The following FOXO3 variants were observed in gnomAD, a reference collection of about 807,000 sequenced individuals.
The protein encoded by FOXO3 is forkhead box O3.
Under a neutral mutation model 41.9 loss-of-function variants are expected in FOXO3, and 4 were observed. That is an observed-to-expected ratio of 0.10 (90% CI 0.05 to 0.22). FOXO3 has a LOEUF of 0.22. FOXO3 is among the 10% of genes least tolerant of loss of function. The pLI, the probability that FOXO3 is intolerant of heterozygous loss-of-function variation, is 1.00. For missense variants in FOXO3, 534 were observed against 906.8 expected (o/e 0.59, Z 5.28); for synonymous variants, 318 against 389.3 (o/e 0.82, Z 2.16).
chr6:108,608,308 A>G (rs879469893), intron 1 of FOXO3, among the ~76,000 whole-genome samples: 1 of 152,196 alleles, frequency 6.6e-6, no homozygotes, highest in Admixed American at 6.5e-5. Flanking sequence ...CTCTCACTTT[A>G]TTTAAAGATG....
At chr6:108,578,442 C>G (rs1328852769) in intron 1 of FOXO3, among the ~76,000 whole-genome samples, 1 of 152,164 alleles carries the variant, frequency 6.6e-6, no homozygotes, top group East Asian at 1.9e-4. Context: ...AAAGCTCTAG[C>G]CCCTTGAGTA....
At chr6:108,562,718 C>G (rs1042449429) in intron 1 of FOXO3, among the ~76,000 whole-genome samples, 1 of 151,772 alleles carries the variant, frequency 6.6e-6, no homozygotes, top group Non-Finnish European at 1.5e-5. Context: ...AAGAGAGACT[C>G]TCTACCGTTC....
chr6:108,592,614 C>G lies in FOXO3; in HGVS notation c.621+30785C>G, dbSNP rs569400847. ...TTTAAGTAGGGGTTCTGGTGGTTTT[C>G]TGGAATGGAGGTGTGGTGGAAGCTT... On this transcript the variant is annotated intron_variant, in intron 1 of 2. Transcript: ENST00000406360. 4.6e-5 allele frequency among the ~76,000 whole-genome samples: 7 copies of G among 152,244 alleles called. No individual in the cohort carries two copies. The East Asian group carries it at 1.4e-3, about 29-fold the overall frequency.
chr6:108,577,871 G>A (rs1288536764), intron 1 of FOXO3, among the ~76,000 whole-genome samples: 1 of 152,180 alleles, frequency 6.6e-6, no homozygotes, highest in Non-Finnish European at 1.5e-5. Context: ...AACAAACTGT[G>A]TTTAACTGGG....
At chr6:108,641,209 TG>T (rs1778248685) in intron 1 of FOXO3, among the ~76,000 whole-genome samples, 1 of 152,180 alleles carries the variant, frequency 6.6e-6, no homozygotes, top group South Asian at 2.1e-4. Flanking sequence ...CTTGACTGGC[TG>T]GAAACTCAAT....
At chr6:108,572,801 C>T (rs1270653094) in intron 1 of FOXO3, among the ~76,000 whole-genome samples, 1 of 151,990 alleles carries the variant, frequency 6.6e-6, no homozygotes, top group Non-Finnish European at 1.5e-5. Flanking sequence ...TTTTTTATGT[C>T]TAATATTGAT....
chr6:108,593,942 C>T (rs558317184), intron 1 of FOXO3, among the ~76,000 whole-genome samples: 71 of 151,970 alleles, frequency 4.7e-4, no homozygotes, highest in Middle Eastern at 3.4e-3. Flanking sequence ...TGGTCTTGAA[C>T]GCCTGACCTC....
chr6:108,658,027 G>A (rs564797674), intron 1 of FOXO3, among the ~76,000 whole-genome samples: 25 of 152,230 alleles, frequency 1.6e-4, no homozygotes, highest in African/African-American at 5.3e-4. Flanking sequence ...TTTCTTCTGC[G>A]GGGCTGACTG....
At position 108,561,002 on chromosome 6, in the gene FOXO3, C is replaced by T. The variant is rs1225563468; in HGVS notation, c.-207C>T. ...CGGGCGCGGCAGGACTGGGAGGTGG[C>T]GGCAGCGGGCGAGGACTCGCCGAGG... On this transcript the variant is annotated 5_prime_UTR_variant, in exon 1 of 3. Coordinates refer to ENST00000406360, the MANE Select transcript of FOXO3 (RefSeq NM_001455.4). 6 of 1,366,426 alleles carry T rather than the reference C, an allele frequency of 4.4e-6. No individual in the cohort carries two copies. The highest frequency in any genetic ancestry group is 3.7e-6 in the Non-Finnish European group (4 of 1,071,774). 84.6% of individuals were successfully genotyped at this position (1,366,426 alleles called of 1,614,324 possible). A position where few individuals can be genotyped will look rare whatever the true frequency, so the allele number is the denominator to read the frequency against.
At chr6:108,639,005 G>T (rs1778187175) in intron 1 of FOXO3, among the ~76,000 whole-genome samples, 1 of 152,148 alleles carries the variant, frequency 6.6e-6, no homozygotes, top group South Asian at 2.1e-4. Flanking sequence ...TGTCAGCACT[G>T]TCTAGATGGC....
intron 1 of FOXO3, among the ~76,000 whole-genome samples, chr6:108,601,752 G>A (rs185956388): frequency 4.3e-4 from 65 of 152,298 alleles, no homozygotes; most frequent in South Asian, 8.3e-4. Flanking sequence ...ACAGTATATG[G>A]ATTTTTGGGA....
intron 1 of FOXO3, 142 bp downstream of exon 1, chr6:108,561,971 G>A: frequency 7.7e-7 from 1 of 1,306,588 alleles, no homozygotes; most frequent in Non-Finnish European, 1.0e-6. Context: ...GGCTTTGGGG[G>A]TTATCTTTGA....
intron 1 of FOXO3, among the ~76,000 whole-genome samples, chr6:108,620,159 T>C (rs763338244): frequency 6.6e-6 from 1 of 152,178 alleles, no homozygotes; most frequent in Non-Finnish European, 1.5e-5. Flanking sequence ...ATAAATTCTT[T>C]TATTAGATTT....
intron 1 of FOXO3, among the ~76,000 whole-genome samples, chr6:108,635,198 G>T (rs1180698553): frequency 2.0e-5 from 3 of 152,088 alleles, no homozygotes; most frequent in African/African-American, 7.2e-5. Context: ...TTACTTGGAA[G>T]GCTGAGGCAT....
intron 1 of FOXO3, among the ~76,000 whole-genome samples, chr6:108,646,914 A>G (rs1036266011): frequency 2.0e-5 from 3 of 152,188 alleles, no homozygotes; most frequent in South Asian, 4.1e-4. Flanking sequence ...CTCTTTTGCT[A>G]TCTAACTCTT....
chr6:108,563,000 T>G (rs1392554090), intron 1 of FOXO3, among the ~76,000 whole-genome samples: 1 of 152,246 alleles, frequency 6.6e-6, no homozygotes. Context: ...CTTAGATTTT[T>G]TTTTGTTTTG....
intron 1 of FOXO3, among the ~76,000 whole-genome samples, chr6:108,626,015 G>A (rs1161110325): frequency 6.6e-6 from 1 of 152,148 alleles, no homozygotes; most frequent in Non-Finnish European, 1.5e-5. Flanking sequence ...TTCTTCCTAG[G>A]TAGAGGTGAG....
At chr6:108,565,777 A>G (rs1337556270) in intron 1 of FOXO3, among the ~76,000 whole-genome samples, 1 of 152,168 alleles carries the variant, frequency 6.6e-6, no homozygotes, top group Non-Finnish European at 1.5e-5. Flanking sequence ...TTGTGTCCTC[A>G]CTGTTTCTGT....
chr6:108,659,227 G>T (rs1484931857), intron 1 of FOXO3, among the ~76,000 whole-genome samples: 8 of 152,078 alleles, frequency 5.3e-5, no homozygotes, highest in Non-Finnish European at 8.8e-5. Context: ...TTTTTTTTAG[G>T]AAGGGCCCAC....
Sources: gnomAD v4.1 joint callset for allele counts (sites outside exome capture counted in the v4.1 genomes callset) on GRCh38, gnomAD v4.1.1 for gene constraint, MANE v1.5 for transcripts, NCBI Gene and HGNC (gene_info 2026-07-23, HGNC 2026-07-21) for gene names.